EIF1: variants seen among roughly 807,000 people sequenced by gnomAD.
EIF1 encodes the protein eukaryotic translation initiation factor 1.
EIF1 carries 4 observed loss-of-function variants against 13.7 expected under a neutral mutation model. The observed-to-expected ratio is 0.29, with a 90% CI of 0.14 to 0.67. The LOEUF (loss-of-function observed/expected upper bound fraction) is 0.67, where lower values mean the gene tolerates loss of function less well. EIF1 is among the 30% of genes least tolerant of loss of function. The pLI, the probability that EIF1 is intolerant of heterozygous loss-of-function variation, is 0.77. For missense variants in EIF1, 64 were observed against 138.0 expected, an observed-to-expected ratio of 0.46 and a Z score of 2.69; for synonymous variants, 67 against 50.7, an observed-to-expected ratio of 1.32 and a Z score of -1.37.
rs759063637 is a variant in EIF1, at chr17:41,690,900, C to T, written c.*74C>T. 3.2e-6 allele frequency: 5 copies of T among 1,566,072 alleles called. No homozygotes were observed. The highest frequency in any genetic ancestry group is 4.4e-6 in the Non-Finnish European group (5 of 1,138,538). On this transcript the variant is annotated 3_prime_UTR_variant, in exon 4 of 4. Coordinates refer to ENST00000469257, the MANE Select transcript of EIF1 (RefSeq NM_005801.4). ...AGAATTTCCCTTCTCTCCCTTGTCA[C>T]AGGTTTAAAAACCTCACAGCTTGTA...
chr17:41,689,220 C>A, intron 1 of EIF1, 151 bp downstream of exon 1: 1 of 918,126 alleles, frequency 1.1e-6, no homozygotes, highest in Non-Finnish European at 1.7e-6. Flanking sequence ...GGATCAAGGC[C>A]TGGGCCCCGG....
At chr17:41,689,606 C>A in intron 1 of EIF1, 172 bp from the exon 2 acceptor site, 1 of 577,454 alleles carries the variant, frequency 1.7e-6, no homozygotes, top group Non-Finnish European at 2.8e-6. Flanking sequence ...GGGAAGCTGG[C>A]CGTCCCGGAC....
Position 41,690,921 on chromosome 17 carries a change from T to G in EIF1, c.*95T>G. 7.1e-7 allele frequency: 1 copy of G among 1,414,068 alleles called. No individual in the cohort carries two copies. Among genetic ancestry groups the G allele is most frequent in the Non-Finnish European group, 1.0e-6 (1 of 1,003,636 alleles). The allele number at this position is 1,414,068 out of a possible 1,614,324, so 87.6% of individuals were successfully genotyped here. A position where few individuals can be genotyped will look rare whatever the true frequency, so the allele number is the denominator to read the frequency against. ...GTCACAGGTTTAAAAACCTCACAGC[T>G]TGTATAATGTAACCATTTGGGGTCC... On this transcript the variant is annotated 3_prime_UTR_variant, in exon 4 of 4. Coordinates refer to ENST00000469257, the MANE Select transcript of EIF1 (RefSeq NM_005801.4).
At chr17:41,689,171 C>T (rs551533810) in intron 1 of EIF1, 102 bp downstream of exon 1, 6 of 1,366,910 alleles carry the variant, frequency 4.4e-6, no homozygotes, top group East Asian at 2.3e-5. Context: ...CCTTCGTAAG[C>T]TCGGGCAGGG....
intron 3 of EIF1, 166 bp from the exon 4 acceptor site, chr17:41,690,616 T>C (rs1027910651): frequency 1.5e-4 from 95 of 642,512 alleles, no homozygotes; most frequent in Non-Finnish European, 2.5e-4. Context: ...AGGCACTGAG[T>C]GTTCAAAAAA....
chr17:41,689,645 A>G, intron 1 of EIF1, 133 bp from the exon 2 acceptor site: 3 of 879,484 alleles, frequency 3.4e-6, no homozygotes, highest in East Asian at 5.5e-5. Context: ...CCAGCAAAGG[A>G]CACATTCGGC....
chr17:41,690,548 T>C lies in EIF1; in HGVS notation c.298-234T>C, dbSNP rs893782841. On this transcript the variant is annotated intron_variant, in intron 3 of 3. Coordinates refer to ENST00000469257, the MANE Select transcript of EIF1 (RefSeq NM_005801.4). ...GTTACATGATCAGCTCTTGATATAATTGAAGAGATTTCAGATACCTGATGA... is the reference window on the plus strand; with the variant it reads ...GTTACATGATCAGCTCTTGATATAACTGAAGAGATTTCAGATACCTGATGA... The C allele has an allele frequency of 1.2e-4, 72 of 576,262 alleles. No homozygotes were observed. The African/African-American group carries it at 1.3e-3, about 10-fold the overall frequency. 35.7% of individuals were successfully genotyped at this position (576,262 alleles called of 1,614,324 possible).
At chr17:41,689,680 GTGT>G (rs1203292852) in intron 1 of EIF1, 95 bp from the exon 2 acceptor site, 5 of 1,266,410 alleles carry the variant, frequency 3.9e-6, no homozygotes, top group Admixed American at 4.8e-5. Flanking sequence ...GACGATTTCA[GTGT>G]TGTTTTCTGC....
rs1328398510 is a variant in EIF1, at chr17:41,692,648, A to G, written c.*1822A>G. ...TTTGAATGTGGCCCAACACGAACTA[A>G]TAAATTTTGCTAAAACATGAGTTTT... On this transcript the variant is annotated 3_prime_UTR_variant, in exon 4 of 4. Transcript: ENST00000469257. The G allele has an allele frequency of 2.6e-5, 4 of 152,118 alleles. No homozygotes were observed. Among genetic ancestry groups the G allele is most frequent in the Non-Finnish European group, 4.4e-5 (3 of 68,038 alleles). 9.4% of individuals were successfully genotyped at this position (152,118 alleles called of 1,614,324 possible). A position where few individuals can be genotyped will look rare whatever the true frequency, so the allele number is the denominator to read the frequency against.
At chr17:41,689,681 T>G (rs1597718281) in intron 1 of EIF1, 97 bp from the exon 2 acceptor site, 1 of 1,267,080 alleles carries the variant, frequency 7.9e-7, no homozygotes, top group Non-Finnish European at 1.1e-6. Flanking sequence ...ACGATTTCAG[T>G]GTTGTTTTCT....
chr17:41,689,809 C>G lies in EIF1; in HGVS notation c.63C>G (p.Asp21Glu), dbSNP rs1002623230. ...DPFADASKGD[D>E]LLPAGTEDYI... ...TTGCTGATGCAAGTAAGGGTGATGA[C>G]CTGCTTCCTGCTGGCACTGAGGATT... Residue 21 changes from aspartate (D) to glutamate (E), a missense_variant, in exon 2 of 4, where the codon GAC becomes GAG. Asp to Glu is a conservative substitution (Grantham distance 45). Around this residue, in one of 2 missense-constraint regions of EIF1, gnomAD observed 29 missense variants for 34.7 expected, o/e 0.84. Transcript: ENST00000469257. 1 of 1,612,774 alleles carries G rather than the reference C, an allele frequency of 6.2e-7. No individual in the cohort carries two copies. The highest frequency in any genetic ancestry group is 1.7e-5 in the Admixed American group (1 of 59,862).
At position 41,692,290 on chromosome 17, in the gene EIF1, G is replaced by C. The variant is rs1012928376; in HGVS notation, c.*1464G>C. On this transcript the variant is annotated 3_prime_UTR_variant, in exon 4 of 4. Transcript: ENST00000469257. ...TGGGTTAAGATCCACAAATCGCTAG[G>C]AATGTGTATACTCTGGGTAGTAAGT... is the stretch of plus-strand genomic sequence containing the variant. The C allele has an allele frequency of 2.0e-5, 3 of 152,214 alleles. No homozygotes were observed. The highest frequency in any genetic ancestry group is 7.2e-5 in the African/African-American group (3 of 41,442). The allele number at this position is 152,214 out of a possible 1,614,324, so 9.4% of individuals were successfully genotyped here.
intron 1 of EIF1, 30 bp from the exon 2 acceptor site, chr17:41,689,748 G>C (rs766899641): frequency 1.9e-6 from 3 of 1,564,112 alleles, no homozygotes; most frequent in Non-Finnish European, 2.6e-6. Flanking sequence ...ATCTTTGACA[G>C]CTCTGAACGA....
intron 3 of EIF1, 45 bp from the exon 4 acceptor site, chr17:41,690,737 C>G (rs1910351540): frequency 3.7e-6 from 6 of 1,607,702 alleles, no homozygotes; most frequent in Non-Finnish European, 5.1e-6. Context: ...GAGGCTTTAA[C>G]TCTCCCTGTC....
chr17:41,689,476 G>A, intron 1 of EIF1: 1 of 455,340 alleles, frequency 2.2e-6, no homozygotes, highest in Non-Finnish European at 3.9e-6. Context: ...CCCCGCCTCG[G>A]GAGCTCGGGT....
chr17:41,691,503 G>A lies in EIF1; in HGVS notation c.*677G>A, dbSNP rs1158853064. Reference sequence around the variant, plus strand: ...TGATCCATCAGTCATGTAGCTAGCTGTAGAGCTTGCAACTTAATAGCAGCA... The same window carrying A: ...TGATCCATCAGTCATGTAGCTAGCTATAGAGCTTGCAACTTAATAGCAGCA... On this transcript the variant is annotated 3_prime_UTR_variant, in exon 4 of 4. Transcript: ENST00000469257. 1 of 152,930 alleles carries A rather than the reference G, an allele frequency of 6.5e-6. No homozygotes were observed. The highest frequency in any genetic ancestry group is 2.4e-5 in the African/African-American group (1 of 41,454). 9.5% of individuals were successfully genotyped at this position (152,930 alleles called of 1,614,324 possible).
chr17:41,692,450 AAG>A lies in EIF1; in HGVS notation c.*1625_*1626del, dbSNP rs1317593175. 6.6e-6 allele frequency: 1 copy of A among 152,226 alleles called. No homozygotes were observed. The highest frequency in any genetic ancestry group is 1.5e-5 in the Non-Finnish European group (1 of 68,046). 9.4% of individuals were successfully genotyped at this position (152,226 alleles called of 1,614,324 possible). On this transcript the variant is annotated 3_prime_UTR_variant, in exon 4 of 4. Coordinates refer to ENST00000469257, the MANE Select transcript of EIF1 (RefSeq NM_005801.4). ...TCCTGGGTCCATTAATTTAGTTAAA[AAG>A]GCAAAGTTCTTTCAGCACACATATC...
chr17:41,689,068 C>A lies in EIF1; in HGVS notation c.30C>A (p.Phe10Leu). 1.2e-6 allele frequency: 2 copies of A among 1,613,704 alleles called. No homozygotes were observed. The highest frequency in any genetic ancestry group is 8.5e-7 in the Non-Finnish European group (1 of 1,179,890). MSAIQNLHS[F>L]DPFADASKGD... The stretch of plus-strand genomic sequence containing the variant: ...CCGCTATCCAGAACCTCCACTCTTT[C>A]GGTAAGCTATGGGAAAGGTCGCGGG... The change falls in exon 1 of 4, where the codon TTC (phenylalanine) becomes TTA (leucine). Residue 10 changes from phenylalanine to leucine, a missense_variant and splice_region_variant. Physicochemically the swap from Phe to Leu is conservative, Grantham distance 22. This residue lies in a region of EIF1 where 29 missense variants were observed against 34.7 expected (regional missense o/e 0.84). Transcript: ENST00000469257.
At chr17:41,689,174 G>A in intron 1 of EIF1, 105 bp downstream of exon 1, 1 of 1,346,022 alleles carries the variant, frequency 7.4e-7, no homozygotes. Context: ...TCGTAAGCTC[G>A]GGCAGGGGAA....
Sources: gnomAD v4.1 joint callset for allele counts on GRCh38, gnomAD v4.1.1 for gene constraint, gnomAD v4.1.1 regional missense constraint, MANE v1.5 for transcripts, NCBI Gene and HGNC (gene_info 2026-07-23, HGNC 2026-07-21) for gene names.